The following MSN variants were observed in gnomAD, a reference collection of about 807,000 sequenced individuals.
MSN encodes the protein epididymis luminal protein 70.
MSN carries 2 observed loss-of-function variants against 48.0 expected under a neutral mutation model. That is an observed-to-expected ratio of 0.04 (90% confidence interval 0.02 to 0.13). MSN has a LOEUF of 0.13. MSN is among the 10% of genes least tolerant of loss of function. MSN has a pLI of 1.00. For synonymous variants in MSN, 146 were observed against 166.9 expected (o/e 0.87, Z 0.97); for missense variants, 267 against 470.1 (o/e 0.57, Z 3.99).
intron 1 of MSN, chrX:65,593,121 G>T (rs1475219446): frequency 9.1e-6 from 1 of 109,895 alleles, no homozygotes; most frequent in Non-Finnish European, 1.9e-5. Flanking sequence ...CTACAATGGG[G>T]CTACCCCAAT....
chrX:65,731,746 C>A (rs2071624433), intron 5 of MSN, 92 bp from the exon 6 acceptor site: 1 of 1,021,608 alleles, frequency 9.8e-7, no homozygotes, highest in Non-Finnish European at 1.3e-6. Flanking sequence ...ATAGCAAGAT[C>A]CTTGTCAGAA....
intron 1 of MSN, among the ~76,000 whole-genome samples, chrX:65,595,116 C>T (rs1389954052): frequency 8.9e-6 from 1 of 112,135 alleles, no homozygotes; most frequent in African/African-American, 3.2e-5. Context: ...CACTCTCACA[C>T]TAAGGTCACT....
intron 1 of MSN, among the ~76,000 whole-genome samples, chrX:65,649,584 A>AT (rs1449370067): frequency 9.4e-4 from 93 of 98,843 alleles, no homozygotes; most frequent in African/African-American, 3.3e-3. Context: ...TCAAAAAAAA[A>AT]AAAAATATAT....
intron 1 of MSN, among the ~76,000 whole-genome samples, chrX:65,668,077 T>A (rs2070892614): frequency 8.9e-6 from 1 of 112,480 alleles, no homozygotes; most frequent in Non-Finnish European, 1.9e-5. Context: ...GAGGCCTGCC[T>A]CTTTCTCAGG....
rs1005643668 is a variant in MSN at position 65,741,649 on chromosome X, C to A, written c.*1756C>A. 2.4e-5 allele frequency: 4 copies of A among 169,326 alleles called. No homozygotes were observed. The East Asian group carries it at 3.4e-4, about 14-fold the overall frequency. 14.0% of individuals were successfully genotyped at this position (169,326 alleles called of 1,213,427 possible). Reference sequence around the variant, plus strand: ...TCAATTCCCCCTGGCCACCACCCCCCACTCTGTGCCTGACCTTGAGGAGTC... The same window carrying A: ...TCAATTCCCCCTGGCCACCACCCCCAACTCTGTGCCTGACCTTGAGGAGTC... On this transcript the variant is annotated 3_prime_UTR_variant, in exon 13 of 13. Coordinates refer to ENST00000360270, the MANE Select transcript of MSN (RefSeq NM_002444.3).
chrX:65,601,740 C>G (rs182053104), intron 1 of MSN, among the ~76,000 whole-genome samples: 1 of 112,970 alleles, frequency 8.9e-6, no homozygotes, highest in African/African-American at 3.2e-5. Context: ...ACACTTTGGG[C>G]TGCAACAACA....
chrX:65,637,089 C>CA lies in MSN; in HGVS notation c.-22+48491dup, dbSNP rs746876937. 6.4e-3 allele frequency among the ~76,000 whole-genome samples: 445 copies of CA among 69,929 alleles called. 2 individuals are homozygous for CA. Among genetic ancestry groups the CA allele is most frequent in the South Asian group, 0.018 (27 of 1,514 alleles). The allele number at this position is 69,929 out of a possible 115,157, so 60.7% of individuals were successfully genotyped here. A position where few individuals can be genotyped will look rare whatever the true frequency, so the allele number is the denominator to read the frequency against. The stretch of plus-strand genomic sequence containing the variant: ...TGGACGACACAGCAAGATTCGGTCT[C>CA]AAAAAAAAAAAAAAGAAAGAAAAGA... On this transcript the variant is annotated intron_variant, in intron 1 of 3. Coordinates refer to the MSN transcript ENST00000609672.
At chrX:65,642,262 C>T (rs984759529) in intron 1 of MSN, among the ~76,000 whole-genome samples, 1 of 109,503 alleles carries the variant, frequency 9.1e-6, no homozygotes. Context: ...GTGAAATAGA[C>T]CTATATTAAT....
chrX:65,654,123 T>G (rs1448835996), intron 1 of MSN, among the ~76,000 whole-genome samples: 71 of 92,023 alleles, frequency 7.7e-4, no homozygotes, highest in Admixed American at 2.0e-3. Context: ...TTTTTTTTTT[T>G]GGGACAGAGT....
chrX:65,618,144 G>A (rs1274585407), intron 1 of MSN, among the ~76,000 whole-genome samples: 1 of 111,808 alleles, frequency 8.9e-6, no homozygotes, highest in Non-Finnish European at 1.9e-5. Flanking sequence ...GTCAGTTTTG[G>A]AATAAGTGCC....
chrX:65,735,999 A>G (rs2071672336), intron 8 of MSN, among the ~76,000 whole-genome samples: 1 of 111,784 alleles, frequency 8.9e-6, no homozygotes, highest in South Asian at 3.7e-4. Context: ...GCAAAAGCAA[A>G]TACTTATTCC....
intron 1 of MSN, among the ~76,000 whole-genome samples, chrX:65,704,846 T>G (rs2071345370): frequency 9.4e-6 from 1 of 106,750 alleles, no homozygotes. Flanking sequence ...CTTGGCTCAC[T>G]GCAATCTCCG....
intron 1 of MSN, among the ~76,000 whole-genome samples, chrX:65,633,372 G>T (rs2070573610): frequency 8.9e-6 from 1 of 111,924 alleles, no homozygotes; most frequent in African/African-American, 3.2e-5. Flanking sequence ...GTTATAAAAA[G>T]CTCTTTATGC....
At chrX:65,716,714 T>C (rs1394795936) in intron 1 of MSN, 104 bp from the exon 2 acceptor site, 1 of 701,158 alleles carries the variant, frequency 1.4e-6, no homozygotes, top group Non-Finnish European at 2.2e-6. Flanking sequence ...CCCAGGCTCT[T>C]AGCATCCTAA....
intron 1 of MSN, among the ~76,000 whole-genome samples, chrX:65,681,406 G>A (rs1295618408): frequency 8.9e-6 from 1 of 111,866 alleles, no homozygotes; most frequent in Non-Finnish European, 1.9e-5. Context: ...AAACCTTTGA[G>A]GAGCATTTGG....
chrX:65,693,592 C>T (rs919532406), intron 1 of MSN, among the ~76,000 whole-genome samples: 2 of 111,274 alleles, frequency 1.8e-5, no homozygotes, highest in Non-Finnish European at 3.8e-5. Context: ...TTTTGGGGGG[C>T]CTAGAGTCTC....
intron 1 of MSN, among the ~76,000 whole-genome samples, chrX:65,660,353 T>C (rs2070812375): frequency 8.9e-6 from 1 of 112,130 alleles, no homozygotes; most frequent in Non-Finnish European, 1.9e-5. Context: ...ACAATTTTGC[T>C]GAAGCTATTT....
At chrX:65,716,607 C>A (rs1181784205) in intron 1 of MSN, 15 of 445,776 alleles carry the variant, frequency 3.4e-5, no homozygotes, top group Non-Finnish European at 5.3e-5. Flanking sequence ...GTAAGTATTG[C>A]TCTGTGGCTG....
At chrX:65,633,658 C>T (rs188266231) in intron 1 of MSN, among the ~76,000 whole-genome samples, 62 of 112,211 alleles carry the variant, frequency 5.5e-4, no homozygotes, top group African/African-American at 1.8e-3. Flanking sequence ...GTAAACTGGG[C>T]TGTGTTCCCT....
Sources: allele counts gnomAD v4.1 joint callset (sites outside exome capture counted in the v4.1 genomes callset), GRCh38; gene constraint gnomAD v4.1.1; transcripts MANE v1.5; gene names NCBI Gene and HGNC (gene_info 2026-07-23, HGNC 2026-07-21).